Variants in FXN observed in about 807,000 individuals in gnomAD.
FXN encodes the protein frataxin, also known as frataxin, mitochondrial.
FXN carries 14 observed loss-of-function variants against 22.4 expected under a neutral mutation model. The ratio of observed to expected loss-of-function variants is 0.62; its 90% CI spans 0.41 to 0.98. The LOEUF is 0.98. FXN is among the 50% of genes least tolerant of loss of function. The pLI is 0.00. For synonymous variants in FXN, 120 were observed against 114.1 expected, an observed-to-expected ratio of 1.05 and a Z score of -0.33; for missense variants, 267 against 268.4, an observed-to-expected ratio of 0.99 and a Z score of 0.04.
Position 69,076,786 on chromosome 9 carries a change from C to T in FXN, c.*4024C>T. On this transcript the variant is annotated 3_prime_UTR_variant, in exon 5 of 5. Coordinates refer to ENST00000484259, the MANE Select transcript of FXN (RefSeq NM_000144.5). ...TGGATTCTTGGCACATAGTTATCTT[C>T]TGCTAGAACAAACTAAAACAGCTAC... 1.1e-5 allele frequency: 11 copies of T among 985,444 alleles called. No homozygotes were observed. Among genetic ancestry groups the T allele is most frequent in the Non-Finnish European group, 1.3e-5 (11 of 829,948 alleles). The allele number at this position is 985,444 out of a possible 1,614,324, so 61.0% of individuals were successfully genotyped here.
In FXN at chr9:69,043,207, TA is replaced by T. The variant is rs369921239; in HGVS notation, c.166-3175del. Among the ~76,000 whole-genome samples, 182 of 152,336 alleles carry T rather than the reference TA, an allele frequency of 1.2e-3. 1 individual carries two copies. The highest frequency in any genetic ancestry group is 4.3e-3 in the African/African-American group (178 of 41,576). On this transcript the variant is annotated intron_variant, in intron 1 of 4. Coordinates refer to ENST00000484259, the MANE Select transcript of FXN (RefSeq NM_000144.5). ...CCTTCTTATTTCAGCTGTCATAGTGTAAACTGTGTCCTTTTCACAGTCTGAT... is the reference window on the plus strand; with the variant it reads ...CCTTCTTATTTCAGCTGTCATAGTGTAACTGTGTCCTTTTCACAGTCTGAT...
intron 1 of FXN, among the ~76,000 whole-genome samples, chr9:69,037,845 T>G (rs1036964375): frequency 2.6e-5 from 4 of 152,154 alleles, no homozygotes; most frequent in Admixed American, 6.5e-5. Flanking sequence ...TAGAGACAGA[T>G]TTCTCCATGT....
At chr9:69,040,130 C>T (rs1292648673) in intron 1 of FXN, among the ~76,000 whole-genome samples, 2 of 152,138 alleles carry the variant, frequency 1.3e-5, no homozygotes, top group African/African-American at 4.8e-5. Flanking sequence ...AGGTGACAAA[C>T]ATTCAAACCA....
chr9:69,076,038 G>A lies in FXN; in HGVS notation c.*3276G>A. On this transcript the variant is annotated 3_prime_UTR_variant, in exon 5 of 5. Transcript: ENST00000484259. ...TTTTCTATTATTTTTACCTTCTTGA[G>A]TGGGTAGAACCTCAGCCACATAGAA... 1 of 984,398 alleles carries A rather than the reference G, an allele frequency of 1.0e-6. No individual in the cohort carries two copies. Among genetic ancestry groups the A allele is most frequent in the Non-Finnish European group, 1.2e-6 (1 of 829,058 alleles). 61.0% of individuals were successfully genotyped at this position (984,398 alleles called of 1,614,324 possible).
At chr9:69,070,802 GT>G (rs58208957) in intron 4 of FXN, among the ~76,000 whole-genome samples, 79,337 of 146,444 alleles carry the variant, frequency 0.54, 21,298 homozygotes, top group Admixed American at 0.62. Context: ...TTTTTGTTTT[GT>G]TTTTTTTTTC....
chr9:69,076,701 A>T lies in FXN; in HGVS notation c.*3939A>T, dbSNP rs1055314392. 4 of 985,352 alleles carry T rather than the reference A, an allele frequency of 4.1e-6. No homozygotes were observed. The African/African-American group carries it at 5.2e-5, about 13-fold the overall frequency. The allele number at this position is 985,352 out of a possible 1,614,324, so 61.0% of individuals were successfully genotyped here. On this transcript the variant is annotated 3_prime_UTR_variant, in exon 5 of 5. Coordinates refer to ENST00000484259, the MANE Select transcript of FXN (RefSeq NM_000144.5). ...TAACCATGCAAGGTTGCCAAGGAAA[A>T]ATCGCTTTACGCTTCCAAGGTACAC...
chr9:69,078,926 G>A lies in FXN; in HGVS notation c.*6164G>A. 1 of 977,854 alleles carries A rather than the reference G, an allele frequency of 1.0e-6. No individual in the cohort carries two copies. The highest frequency in any genetic ancestry group is 1.2e-6 in the Non-Finnish European group (1 of 823,260). The allele number at this position is 977,854 out of a possible 1,614,324, so 60.6% of individuals were successfully genotyped here. On this transcript the variant is annotated 3_prime_UTR_variant, in exon 5 of 5. Coordinates refer to ENST00000484259, the MANE Select transcript of FXN (RefSeq NM_000144.5). Reference sequence around the variant, plus strand: ...CCCTGCTTGGCTGTACCTTCCATGAGGCTAGGACTATGTGTCTCCTTTGTT... The same window carrying A: ...CCCTGCTTGGCTGTACCTTCCATGAAGCTAGGACTATGTGTCTCCTTTGTT...
chr9:69,077,525 C>A lies in FXN; in HGVS notation c.*4763C>A. On this transcript the variant is annotated 3_prime_UTR_variant, in exon 5 of 5. Coordinates refer to ENST00000484259, the MANE Select transcript of FXN (RefSeq NM_000144.5). ...TTTTCTTCTCCTGTGGAAAGTCAGA[C>A]CTCTGAGGCCCCATCCAGGTAGAAG... The A allele has an allele frequency of 1.0e-6, 1 of 985,484 alleles. No homozygotes were observed. The highest frequency in any genetic ancestry group is 1.2e-6 in the Non-Finnish European group (1 of 829,954). The allele number at this position is 985,484 out of a possible 1,614,324, so 61.0% of individuals were successfully genotyped here.
In FXN at chr9:69,074,599, AAC is replaced by A; in HGVS notation, c.*1841_*1842del. The A allele has an allele frequency of 1.0e-6, 1 of 985,268 alleles. No individual in the cohort carries two copies. The highest frequency in any genetic ancestry group is 1.2e-6 in the Non-Finnish European group (1 of 829,844). 61.0% of individuals were successfully genotyped at this position (985,268 alleles called of 1,614,324 possible). A position where few individuals can be genotyped will look rare whatever the true frequency, so the allele number is the denominator to read the frequency against. ...AAGGCTTTTCCAATGGGTGAATAAA[AAC>A]ACATTCCATTAAGTCAAGCTGGGAG... On this transcript the variant is annotated 3_prime_UTR_variant, in exon 5 of 5. Transcript: ENST00000484259.
At chr9:69,072,590 A>G (rs1832294460) in intron 4 of FXN, 22 bp from the exon 5 acceptor site, 1 of 1,613,844 alleles carries the variant, frequency 6.2e-7, no homozygotes, top group Admixed American at 1.7e-5. Context: ...TGGAATTACT[A>G]TGCATTTGTT....
intron 1 of FXN, among the ~76,000 whole-genome samples, chr9:69,041,707 GC>G (rs1450346198): frequency 6.6e-6 from 1 of 152,198 alleles, no homozygotes; most frequent in Non-Finnish European, 1.5e-5. Flanking sequence ...GGCCATCCAG[GC>G]CAGTCCTTAC....
At position 69,076,185 on chromosome 9, in the gene FXN, T is replaced by TA; in HGVS notation, c.*3424dup. On this transcript the variant is annotated 3_prime_UTR_variant, in exon 5 of 5. Transcript: ENST00000484259. The stretch of plus-strand genomic sequence containing the variant: ...AGAATTTAATCGAAACTCTGCCTCT[T>TA]ACTTGTTTGTAGACACTGACAGTGG... 2 of 984,488 alleles carry TA rather than the reference T, an allele frequency of 2.0e-6. No homozygotes were observed. The highest frequency in any genetic ancestry group is 2.4e-6 in the Non-Finnish European group (2 of 829,632). The allele number at this position is 984,488 out of a possible 1,614,324, so 61.0% of individuals were successfully genotyped here.
chr9:69,071,146 A>G, intron 4 of FXN: 1 of 518,702 alleles, frequency 1.9e-6, no homozygotes, highest in Non-Finnish European at 3.8e-6. Flanking sequence ...GGAGGGGTCT[A>G]GAGGTTACTC....
rs1265572135 is a variant in FXN at position 69,078,222 on chromosome 9, A to G, written c.*5460A>G. ...CCAGGTGCCACTGTTGACAGAGATTATAACTACAATGTGAAGTGAATGGTG... is the reference window on the plus strand; with the variant it reads ...CCAGGTGCCACTGTTGACAGAGATTGTAACTACAATGTGAAGTGAATGGTG... On this transcript the variant is annotated 3_prime_UTR_variant, in exon 5 of 5. Transcript: ENST00000484259. 4.1e-6 allele frequency: 4 copies of G among 983,894 alleles called. No homozygotes were observed. The highest frequency in any genetic ancestry group is 4.7e-5 in the South Asian group (1 of 21,250). The allele number at this position is 983,894 out of a possible 1,614,324, so 60.9% of individuals were successfully genotyped here.
chr9:69,035,972 C>A (rs912481070), intron 1 of FXN, 25 bp downstream of exon 1: 34 of 1,419,826 alleles, frequency 2.4e-5, no homozygotes, highest in Non-Finnish European at 3.0e-5. Context: ...CGGGAACAGC[C>A]GCGGGCCGCA....
intron 1 of FXN, among the ~76,000 whole-genome samples, chr9:69,040,931 A>T (rs1831646402): frequency 6.6e-6 from 1 of 152,154 alleles, no homozygotes; most frequent in African/African-American, 2.4e-5. Context: ...CTCACCAGAC[A>T]CCAAAGCTGT....
At chr9:69,066,538 T>G (rs780732530) in intron 4 of FXN, among the ~76,000 whole-genome samples, 6 of 152,256 alleles carry the variant, frequency 3.9e-5, no homozygotes, top group East Asian at 1.9e-4. Context: ...GATTTTAACC[T>G]CTGTGGGCCA....
intron 2 of FXN, 100 bp downstream of exon 2, chr9:69,046,582 G>T: frequency 1.2e-6 from 1 of 800,536 alleles, no homozygotes; most frequent in East Asian, 2.7e-5. Context: ...ACAATCTTAG[G>T]CATCTTTCCA....
intron 2 of FXN, among the ~76,000 whole-genome samples, chr9:69,052,564 A>T (rs1328480702): frequency 2.6e-5 from 3 of 116,008 alleles, no homozygotes; most frequent in Non-Finnish European, 3.4e-5. Flanking sequence ...TTTTTTTGAG[A>T]CAGAGTCTCG....
Sources: allele counts gnomAD v4.1 joint callset (sites outside exome capture counted in the v4.1 genomes callset), GRCh38; gene constraint gnomAD v4.1.1; transcripts MANE v1.5; gene names NCBI Gene and HGNC (gene_info 2026-07-23, HGNC 2026-07-21).